WDR7: variants seen among roughly 807,000 people sequenced by gnomAD.
The protein encoded by WDR7 is WD repeat-containing protein 7.
WDR7 carries 46 observed loss-of-function variants against 169.4 expected under a neutral mutation model. That is an observed-to-expected ratio of 0.27 (90% CI 0.21 to 0.35). WDR7 has a LOEUF of 0.35. WDR7 is among the 10% of genes least tolerant of loss of function. The probability of loss-of-function intolerance (pLI) is 1.00; values close to 1 mark genes in which losing one functional copy is unlikely to be tolerated. For synonymous variants in WDR7, 612 were observed against 666.8 expected (o/e 0.92, Z 1.27); for missense variants, 1,534 against 1,859.3 (o/e 0.83, Z 3.22).
intron 20 of WDR7, among the ~76,000 whole-genome samples, chr18:56,820,675 A>G (rs1177569081): frequency 2.0e-5 from 3 of 152,056 alleles, no homozygotes; most frequent in Non-Finnish European, 4.4e-5. Context: ...TTTTAAATCT[A>G]ATTCTTTACA....
At chr18:56,800,842 ATCAG>A (rs1451112260) in intron 19 of WDR7, among the ~76,000 whole-genome samples, 2 of 152,290 alleles carry the variant, frequency 1.3e-5, no homozygotes, top group Non-Finnish European at 2.9e-5. Context: ...CTTCCGTAGA[ATCAG>A]TCATTTCTCT....
intron 21 of WDR7, among the ~76,000 whole-genome samples, chr18:56,899,713 A>T (rs942288429): frequency 1.1e-4 from 17 of 151,414 alleles, no homozygotes; most frequent in Non-Finnish European, 2.1e-4. Context: ...TTATTGTTTT[A>T]AAAAAAAATC....
intron 21 of WDR7, among the ~76,000 whole-genome samples, chr18:56,890,633 G>C (rs1361276321): frequency 6.6e-6 from 1 of 152,150 alleles, no homozygotes; most frequent in Non-Finnish European, 1.5e-5. Context: ...AGATTGTGTT[G>C]CTGAAATGCT....
chr18:56,771,503 C>CT (rs559726903), intron 16 of WDR7, among the ~76,000 whole-genome samples: 111 of 151,460 alleles, frequency 7.3e-4, no homozygotes, highest in African/African-American at 2.6e-3. Flanking sequence ...AGGTGGATTG[C>CT]TTGAATGCAA....
chr18:56,781,125 G>T (rs759408753), intron 18 of WDR7, among the ~76,000 whole-genome samples: 2 of 151,916 alleles, frequency 1.3e-5, no homozygotes, highest in Non-Finnish European at 2.9e-5. Flanking sequence ...AATAGATAAG[G>T]TTAACTTCAA....
chr18:57,003,143 T>C (rs1450600448), intron 26 of WDR7, among the ~76,000 whole-genome samples: 3 of 152,278 alleles, frequency 2.0e-5, no homozygotes, highest in South Asian at 4.1e-4. Flanking sequence ...TGCATTAGTA[T>C]AGATTTATTA....
intron 12 of WDR7, among the ~76,000 whole-genome samples, chr18:56,709,085 T>TTCAGTAGATA (rs1257304467): frequency 2.0e-5 from 3 of 152,142 alleles, no homozygotes; most frequent in Admixed American, 6.6e-5. Flanking sequence ...AAAAATAAAG[T>TTCAGTAGATA]AAGTTCAGTA....
chr18:56,797,617 T>C (rs987407467), intron 19 of WDR7, among the ~76,000 whole-genome samples: 2 of 152,254 alleles, frequency 1.3e-5, no homozygotes, highest in Non-Finnish European at 2.9e-5. Flanking sequence ...CATTAAGATA[T>C]TCTGATTTCA....
intron 9 of WDR7, 88 bp downstream of exon 9, chr18:56,691,905 A>C (rs997339715): frequency 1.0e-5 from 10 of 965,702 alleles, no homozygotes; most frequent in Non-Finnish European, 1.5e-5. Context: ...AGGTTTAAAA[A>C]ATTTGATACA....
At chr18:56,749,098 G>A (rs184140899) in intron 14 of WDR7, among the ~76,000 whole-genome samples, 9 of 151,840 alleles carry the variant, frequency 5.9e-5, no homozygotes, top group African/African-American at 2.2e-4. Flanking sequence ...TTCAGTGACC[G>A]TTTTACATTT....
chr18:57,009,876 G>A, intron 26 of WDR7: 1 of 985,394 alleles, frequency 1.0e-6, no homozygotes, highest in Non-Finnish European at 1.2e-6. Context: ...AAAGGAGCGG[G>A]AACACATGTG....
chr18:57,014,259 G>A (rs1396127352), intron 26 of WDR7, among the ~76,000 whole-genome samples: 1 of 151,014 alleles, frequency 6.6e-6, no homozygotes, highest in African/African-American at 2.4e-5. Context: ...CTTGGAGGCA[G>A]AGATTGCAGT....
At chr18:56,800,053 G>T (rs1162869457) in intron 19 of WDR7, among the ~76,000 whole-genome samples, 2 of 151,798 alleles carry the variant, frequency 1.3e-5, no homozygotes, top group African/African-American at 4.8e-5. Flanking sequence ...TTGTGGGACG[G>T]GGTTAAAAAT....
At chr18:56,678,502 C>CT (rs148069514) in intron 2 of WDR7, among the ~76,000 whole-genome samples, 19 of 151,630 alleles carry the variant, frequency 1.3e-4, no homozygotes, top group African/African-American at 4.6e-4. Flanking sequence ...ACACTGTGGT[C>CT]TTTTTTTTTT....
At position 56,928,058 on chromosome 18, in the gene WDR7, G is replaced by A. The variant is rs62098599; in HGVS notation, c.3713+3950G>A. On this transcript the variant is annotated intron_variant, in intron 22 of 27. Transcript: ENST00000254442. The stretch of plus-strand genomic sequence containing the variant: ...GGACAGGGGCATGCGAAAGAAAGGG[G>A]TAGGAAAGCGCAGGCATGCCAAACA... 7.6e-3 allele frequency among the ~76,000 whole-genome samples: 1,162 copies of A among 152,310 alleles called. 12 individuals are homozygous for A. Among genetic ancestry groups the A allele is most frequent in the Non-Finnish European group, 0.013 (872 of 68,028 alleles).
At chr18:56,740,782 T>G (rs1450757175) in intron 14 of WDR7, among the ~76,000 whole-genome samples, 1 of 152,178 alleles carries the variant, frequency 6.6e-6, no homozygotes, top group Non-Finnish European at 1.5e-5. Flanking sequence ...CATTTTGCTT[T>G]CTAGAGACAT....
chr18:56,923,735 C>T (rs1201568168), intron 21 of WDR7, among the ~76,000 whole-genome samples, 187 bp from the exon 22 acceptor site: 1 of 152,154 alleles, frequency 6.6e-6, no homozygotes, highest in Non-Finnish European at 1.5e-5. Context: ...ACAATATAGC[C>T]TAACTTTTCT....
chr18:56,916,682 A>G (rs746705159), intron 21 of WDR7, among the ~76,000 whole-genome samples: 1 of 152,230 alleles, frequency 6.6e-6, no homozygotes, highest in Non-Finnish European at 1.5e-5. Context: ...ATCTGTGGTT[A>G]TAAGAAAATA....
intron 20 of WDR7, among the ~76,000 whole-genome samples, chr18:56,861,019 T>C (rs1182329214): frequency 1.3e-5 from 2 of 152,180 alleles, no homozygotes; most frequent in Non-Finnish European, 2.9e-5. Context: ...CTGTTTTGCT[T>C]TCTATTTCAC....
Sources: allele counts gnomAD v4.1 joint callset (sites outside exome capture counted in the v4.1 genomes callset), GRCh38; gene constraint gnomAD v4.1.1; transcripts MANE v1.5; gene names NCBI Gene and HGNC (gene_info 2026-07-23, HGNC 2026-07-21).